FOXN3: variants seen among roughly 807,000 people sequenced by gnomAD.
FOXN3 encodes forkhead box protein N3.
A neutral mutation model predicts 38.4 loss-of-function variants in FOXN3; 7 were observed. The observed-to-expected ratio is 0.18, with a 90% confidence interval of 0.10 to 0.34. The LOEUF is 0.34. Ranked by LOEUF, FOXN3 falls within the 10% of genes least tolerant of loss-of-function variation. FOXN3 has a pLI of 1.00. For synonymous variants in FOXN3, 230 were observed against 242.2 expected, an observed-to-expected ratio of 0.95 and a Z score of 0.47; for missense variants, 456 against 613.4, an observed-to-expected ratio of 0.74 and a Z score of 2.71.
At chr14:89,392,807 ATTTTT>A (rs35499441) in intron 2 of FOXN3, among the ~76,000 whole-genome samples, 1 of 133,876 alleles carries the variant, frequency 7.5e-6, no homozygotes, top group Non-Finnish European at 1.6e-5. Flanking sequence ...CGCCCAGCTA[ATTTTT>A]TTTTTTTTTT....
intron 1 of FOXN3, among the ~76,000 whole-genome samples, chr14:89,541,123 A>T (rs1489387914): frequency 1.3e-5 from 2 of 152,168 alleles, no homozygotes; most frequent in East Asian, 3.9e-4. Flanking sequence ...TCTCTCGCAA[A>T]TATTTGTTGG....
intron 3 of FOXN3, among the ~76,000 whole-genome samples, chr14:89,284,773 C>T (rs548174128): frequency 2.0e-5 from 3 of 152,270 alleles, no homozygotes; most frequent in Admixed American, 1.3e-4. Context: ...AGGACCTTGC[C>T]GGCCAGCAAG....
chr14:89,238,529 C>G (rs539841878), intron 4 of FOXN3, among the ~76,000 whole-genome samples: 1 of 152,126 alleles, frequency 6.6e-6, no homozygotes, highest in Non-Finnish European at 1.5e-5. Context: ...GAGGAGTGTT[C>G]GGCAGCCTAC....
chr14:89,335,833 T>TGAGAGTCC, intron 3 of FOXN3, among the ~76,000 whole-genome samples: 1 of 152,318 alleles, frequency 6.6e-6, no homozygotes, highest in African/African-American at 2.4e-5. Flanking sequence ...CAAAAGATGG[T>TGAGAGTCC]GAGAGTCCTT....
At chr14:89,205,755 A>G (rs1838141562) in intron 4 of FOXN3, among the ~76,000 whole-genome samples, 1 of 152,048 alleles carries the variant, frequency 6.6e-6, no homozygotes, top group African/African-American at 2.4e-5. Flanking sequence ...CCTGTAACAC[A>G]CGCCCACCGG....
chr14:89,190,265 A>G (rs1887908885), intron 4 of FOXN3: 5 of 714,908 alleles, frequency 7.0e-6, no homozygotes, highest in Non-Finnish European at 9.4e-6. Flanking sequence ...TGTAGCTTTT[A>G]AAGTGATTCT....
chr14:89,616,513 A>C (rs2401835), intron 1 of FOXN3, among the ~76,000 whole-genome samples: 32 of 146,998 alleles, frequency 2.2e-4, no homozygotes, highest in South Asian at 6.6e-4. Flanking sequence ...CCTCCCTTTC[A>C]CTCCCCAACC....
chr14:89,363,950 A>ATATATATATATAT (rs1889991278), intron 2 of FOXN3, among the ~76,000 whole-genome samples: 1 of 2,168 alleles, frequency 4.6e-4, no homozygotes, highest in African/African-American at 5.4e-4. Context: ...TCTGTAAAAT[A>ATATATATATATAT]TATATATATA....
intron 4 of FOXN3, chr14:89,190,582 C>CA: frequency 1.6e-6 from 1 of 631,894 alleles, no homozygotes; most frequent in Non-Finnish European, 2.7e-6. Context: ...TGAGCTATCC[C>CA]AAAGGCGACT....
intron 3 of FOXN3, among the ~76,000 whole-genome samples, chr14:89,337,233 T>C (rs1452217543): frequency 1.3e-5 from 2 of 152,118 alleles, no homozygotes; most frequent in Admixed American, 1.3e-4. Context: ...AAGGATAGCA[T>C]TTGGGTGACT....
chr14:89,319,154 G>A (rs1294304188), intron 3 of FOXN3, among the ~76,000 whole-genome samples: 1 of 152,190 alleles, frequency 6.6e-6, no homozygotes, highest in African/African-American at 2.4e-5. Flanking sequence ...AGAAAGACCT[G>A]AGGAGGCAGG....
At chr14:89,265,992 C>T (rs944728570) in intron 4 of FOXN3, among the ~76,000 whole-genome samples, 3 of 152,130 alleles carry the variant, frequency 2.0e-5, no homozygotes, top group African/African-American at 7.2e-5. Context: ...GACACAGCTG[C>T]CCATTACTGT....
chr14:89,378,522 T>C (rs1890550320), intron 2 of FOXN3, among the ~76,000 whole-genome samples: 1 of 152,112 alleles, frequency 6.6e-6, no homozygotes, highest in South Asian at 2.1e-4. Flanking sequence ...CAAATATATA[T>C]TAAAGTCATT....
intron 2 of FOXN3, among the ~76,000 whole-genome samples, chr14:89,405,716 C>T (rs1891370094): frequency 6.6e-6 from 1 of 152,308 alleles, no homozygotes; most frequent in Non-Finnish European, 1.5e-5. Flanking sequence ...CAAAAATATA[C>T]TCTGTATTTG....
intron 1 of FOXN3, among the ~76,000 whole-genome samples, chr14:89,502,822 G>A (rs17125936): frequency 0.027 from 4,053 of 152,216 alleles, 162 homozygotes; most frequent in African/African-American, 0.093. Flanking sequence ...TGGGCCACCC[G>A]TTACGGGGCA....
At chr14:89,593,968 T>C (rs1468652973) in intron 1 of FOXN3, among the ~76,000 whole-genome samples, 1 of 151,956 alleles carries the variant, frequency 6.6e-6, no homozygotes, top group African/African-American at 2.4e-5. Context: ...ATGTGTATGG[T>C]GAGGACTTCT....
At chr14:89,256,151 C>T (rs761362363) in intron 4 of FOXN3, among the ~76,000 whole-genome samples, 5 of 152,184 alleles carry the variant, frequency 3.3e-5, no homozygotes, top group African/African-American at 1.2e-4. Flanking sequence ...CTCACACTGC[C>T]CTGTCCCCTC....
In FOXN3 at chr14:89,581,288, C is replaced by A. The variant is rs547558334; in HGVS notation, c.-15+37740G>T. Among the ~76,000 whole-genome samples the A allele has an allele frequency of 2.3e-4, 35 of 152,032 alleles. No individual in the cohort carries two copies. In the South Asian group the frequency reaches 2.5e-3, roughly 11 times the overall value. On this transcript the variant is annotated intron_variant, in intron 1 of 6. Coordinates refer to the FOXN3 transcript ENST00000345097. Reference sequence around the variant, plus strand: ...CCTGAGGTCAGGAGTTTGAGACCAGCCTGGCCAACATAGTGAAACCCCGTC... The same window carrying A: ...CCTGAGGTCAGGAGTTTGAGACCAGACTGGCCAACATAGTGAAACCCCGTC...
intron 1 of FOXN3, among the ~76,000 whole-genome samples, chr14:89,475,691 A>G (rs1220565231): frequency 6.6e-6 from 1 of 152,202 alleles, no homozygotes; most frequent in Non-Finnish European, 1.5e-5. Context: ...TTAAACAAAA[A>G]TAGTTATCAA....
Sources: allele counts gnomAD v4.1 joint callset (sites outside exome capture counted in the v4.1 genomes callset), GRCh38; gene constraint gnomAD v4.1.1; transcripts MANE v1.5; gene names NCBI Gene and HGNC (gene_info 2026-07-23, HGNC 2026-07-21).